The following PTP4A3 variants were observed in gnomAD, a reference collection of about 807,000 sequenced individuals.
PTP4A3 encodes the protein protein tyrosine phosphatase 4A3, also known as protein tyrosine phosphatase type IVA 3.
In PTP4A3, 9 loss-of-function variants were observed where a neutral mutation model predicts 15.2. The ratio of observed to expected loss-of-function variants is 0.59; its 90% confidence interval spans 0.36 to 1.03. PTP4A3 has a LOEUF of 1.03. PTP4A3 is among the 50% of genes least tolerant of loss of function. PTP4A3 has a pLI of 0.02. For missense variants in PTP4A3, 234 were observed against 252.1 expected (o/e 0.93, Z 0.49); for synonymous variants, 95 against 102.0 (o/e 0.93, Z 0.41).
intron 4 of PTP4A3, 136 bp downstream of exon 4, chr8:141,427,205 G>T: frequency 1.5e-6 from 2 of 1,305,560 alleles, no homozygotes; most frequent in East Asian, 5.2e-5. Flanking sequence ...CCTAGTGCTG[G>T]GGCTCCCAGA....
chr8:141,408,698 G>C (rs1046647536), intron 1 of PTP4A3, among the ~76,000 whole-genome samples: 1 of 151,946 alleles, frequency 6.6e-6, no homozygotes, highest in Non-Finnish European at 1.5e-5. Flanking sequence ...TAGCACCCCC[G>C]CCTACACAGA....
chr8:141,427,821 G>A lies in PTP4A3; in HGVS notation c.401G>A (p.Arg134His). The change falls in exon 5 of 6, where the codon CGC becomes CAC. Residue 134 changes from arginine (R) to histidine (H), a missense_variant. Transcript: ENST00000521578. ...TACGAGGACGCCATCCAGTTCATCC[G>A]CCAGTGAGTGGCCGCGGTGGTGGGG... is the stretch of plus-strand genomic sequence containing the variant. ...MKYEDAIQFI[R>H]QKRRGAINSK... 3.9e-6 allele frequency: 6 copies of A among 1,549,766 alleles called. No homozygotes were observed. The highest frequency in any genetic ancestry group is 5.2e-6 in the Non-Finnish European group (6 of 1,146,390).
chr8:141,425,961 C>A lies in PTP4A3; in HGVS notation c.198+821C>A, dbSNP rs1311209644. Among the ~76,000 whole-genome samples the A allele has an allele frequency of 6.6e-6, 1 of 152,202 alleles. No homozygotes were observed. The highest frequency in any genetic ancestry group is 2.4e-5 in the African/African-American group (1 of 41,452). On this transcript the variant is annotated intron_variant, in intron 3 of 5. Transcript: ENST00000521578. This position sits in a 1 kb window ranked among gnomAD's most constrained non-coding sequence, Gnocchi z 4.2. The stretch of plus-strand genomic sequence containing the variant: ...TTGGGTTCCTCACCTCAAAGCGAGG[C>A]TGCTTGGAAGAATGGGAGGCAAAGG...
rs73713616 is a variant in PTP4A3 at position 141,399,410 on chromosome 8, G to A, written c.-854+7326G>A. 4.7e-3 allele frequency among the ~76,000 whole-genome samples: 715 copies of A among 151,970 alleles called. 5 individuals are homozygous for A. The highest frequency in any genetic ancestry group is 0.016 in the African/African-American group (653 of 41,482). On this transcript the variant is annotated intron_variant, in intron 1 of 5. Coordinates refer to ENST00000521578, the MANE Select transcript of PTP4A3 (RefSeq NM_032611.3). ...AGAGGCCCATCTGCTGGGAATTGCC[G>A]TGTGGAGCTCAGGGGGTCCCTGGGG...
intron 1 of PTP4A3, among the ~76,000 whole-genome samples, chr8:141,402,360 G>A (rs925997631): frequency 1.3e-5 from 2 of 152,196 alleles, no homozygotes; most frequent in Non-Finnish European, 2.9e-5. Context: ...GGACCCTCCT[G>A]GAGTGGGCTC....
At chr8:141,414,501 G>A (rs1832962144) in intron 1 of PTP4A3, among the ~76,000 whole-genome samples, 1 of 152,140 alleles carries the variant, frequency 6.6e-6, no homozygotes, top group South Asian at 2.1e-4. Flanking sequence ...GCACGTGGGA[G>A]CAGCAGCCTG....
chr8:141,427,437 C>A (rs1200105516), intron 4 of PTP4A3, among the ~76,000 whole-genome samples: 1 of 142,686 alleles, frequency 7.0e-6, no homozygotes, highest in East Asian at 1.9e-4. Context: ...ACCAGTGGGA[C>A]ACCCCCATCT....
At chr8:141,402,388 C>T (rs1396986893) in intron 1 of PTP4A3, among the ~76,000 whole-genome samples, 3 of 152,220 alleles carry the variant, frequency 2.0e-5, no homozygotes, top group East Asian at 1.9e-4. Context: ...TGGGTTTCCA[C>T]TCCACAGGAT....
At chr8:141,403,124 G>A (rs534691345) in intron 1 of PTP4A3, among the ~76,000 whole-genome samples, 12 of 152,330 alleles carry the variant, frequency 7.9e-5, no homozygotes, top group South Asian at 2.1e-4. Flanking sequence ...GGTCAGAGAC[G>A]CAGAGCCCTG....
rs762775110 is a variant in PTP4A3, at chr8:141,411,435, G to T, written c.-853-9953G>T. 3.9e-5 allele frequency among the ~76,000 whole-genome samples: 6 copies of T among 152,322 alleles called. No homozygotes were observed. In the East Asian group the frequency reaches 1.2e-3, roughly 29 times the overall value. On this transcript the variant is annotated intron_variant, in intron 1 of 5. Coordinates refer to ENST00000521578, the MANE Select transcript of PTP4A3 (RefSeq NM_032611.3). Reference sequence around the variant, plus strand: ...CAGCCCCTCCACCATGTGTCCTGGGGGTAGCCCTATCCCCCTGGGCCTCAG... The same window carrying T: ...CAGCCCCTCCACCATGTGTCCTGGGTGTAGCCCTATCCCCCTGGGCCTCAG...
At chr8:141,397,825 G>A (rs564624356) in intron 1 of PTP4A3, among the ~76,000 whole-genome samples, 6 of 152,248 alleles carry the variant, frequency 3.9e-5, no homozygotes, top group Admixed American at 2.0e-4. Context: ...ACCTGAGTTG[G>A]GCATTGCTCC....
chr8:141,399,766 G>A (rs1279111035), intron 1 of PTP4A3, among the ~76,000 whole-genome samples: 1 of 152,236 alleles, frequency 6.6e-6, no homozygotes, highest in Admixed American at 6.5e-5. Context: ...GGGGAGGGCT[G>A]TCCATGGGTG....
intron 1 of PTP4A3, among the ~76,000 whole-genome samples, chr8:141,417,681 G>C (rs1833113444): frequency 6.6e-6 from 1 of 152,012 alleles, no homozygotes; most frequent in Non-Finnish European, 1.5e-5. Context: ...GAGGAAGGAG[G>C]GGTCCCGGGC....
intron 1 of PTP4A3, among the ~76,000 whole-genome samples, chr8:141,394,930 G>A (rs1212370223): frequency 6.6e-6 from 1 of 152,236 alleles, no homozygotes; most frequent in Admixed American, 6.5e-5. Context: ...TGCGGTTGGG[G>A]GCGGCCCAGA....
intron 1 of PTP4A3, among the ~76,000 whole-genome samples, chr8:141,396,139 A>G (rs1586532309): frequency 6.6e-6 from 1 of 152,248 alleles, no homozygotes; most frequent in Non-Finnish European, 1.5e-5. Context: ...ATTGCGGTAC[A>G]GCCAGAACCG....
chr8:141,400,685 G>GC (rs772937545), intron 1 of PTP4A3, among the ~76,000 whole-genome samples: 2 of 152,196 alleles, frequency 1.3e-5, no homozygotes, highest in Admixed American at 1.3e-4. Flanking sequence ...GGTTGTTGGT[G>GC]CCCGGCTGTG....
At chr8:141,416,605 G>A (rs1331894336) in intron 1 of PTP4A3, among the ~76,000 whole-genome samples, 1 of 152,142 alleles carries the variant, frequency 6.6e-6, no homozygotes, top group African/African-American at 2.4e-5. Flanking sequence ...GTGCACCCAC[G>A]TGGGTGGGTG....
intron 1 of PTP4A3, among the ~76,000 whole-genome samples, chr8:141,413,970 C>A (rs1235357425): frequency 6.9e-6 from 1 of 145,294 alleles, no homozygotes; most frequent in Non-Finnish European, 1.5e-5. Context: ...CCTGGAGGCT[C>A]TGGTGGGCGT....
At chr8:141,410,072 C>G (rs986502923) in intron 1 of PTP4A3, among the ~76,000 whole-genome samples, 2 of 152,220 alleles carry the variant, frequency 1.3e-5, no homozygotes, top group African/African-American at 4.8e-5. Context: ...CTCTGCCCAG[C>G]CCCTGCTGCG....
Sources: gnomAD v4.1 joint callset for allele counts (sites outside exome capture counted in the v4.1 genomes callset) on GRCh38, gnomAD v4.1.1 for gene constraint, Gnocchi (gnomAD v3.1) non-coding constraint, MANE v1.5 for transcripts, NCBI Gene and HGNC (gene_info 2026-07-23, HGNC 2026-07-21) for gene names.